C10orf67: variants seen among roughly 807,000 people sequenced by gnomAD.
C10orf67 encodes the protein uncharacterized protein C10orf67, mitochondrial.
In C10orf67, 60 loss-of-function variants were observed where a neutral mutation model predicts 35.6. The observed-to-expected ratio is 1.68, with a 90% confidence interval of 1.37 to 2.09. The LOEUF (loss-of-function observed/expected upper bound fraction) is 2.09, where lower values mean the gene tolerates loss of function less well. C10orf67 is among the 30% of genes most tolerant of loss of function. The probability of loss-of-function intolerance (pLI) is 0.00; values close to 1 mark genes in which losing one functional copy is unlikely to be tolerated. For synonymous variants in C10orf67, 167 were observed against 115.8 expected, an observed-to-expected ratio of 1.44 and a Z score of -2.84; for missense variants, 474 against 330.2, an observed-to-expected ratio of 1.44 and a Z score of -3.38.
intron 10 of C10orf67, among the ~76,000 whole-genome samples, chr10:23,264,035 G>A (rs942772432): frequency 2.0e-5 from 3 of 152,132 alleles, no homozygotes; most frequent in Non-Finnish European, 4.4e-5. Flanking sequence ...AATTAGATAC[G>A]TTAAATGACT....
intron 5 of C10orf67, among the ~76,000 whole-genome samples, chr10:23,294,446 C>T (rs1247670123): frequency 6.6e-6 from 1 of 152,092 alleles, no homozygotes; most frequent in Non-Finnish European, 1.5e-5. Context: ...GGCTAACCTC[C>T]TTTATAAATT....
intron 4 of C10orf67, among the ~76,000 whole-genome samples, chr10:23,307,617 T>C (rs1338491944): frequency 6.6e-6 from 1 of 150,996 alleles, no homozygotes; most frequent in African/African-American, 2.4e-5. Context: ...AGTTTTTTTT[T>C]TTTTTTTTTA....
At chr10:23,315,756 G>A (rs534248353) in intron 4 of C10orf67, among the ~76,000 whole-genome samples, 7 of 152,130 alleles carry the variant, frequency 4.6e-5, no homozygotes, top group Non-Finnish European at 8.8e-5. Context: ...TAAAAACCAC[G>A]AAATTCTGAC....
At chr10:23,284,418 C>T (rs1349452514) in intron 7 of C10orf67, among the ~76,000 whole-genome samples, 1 of 151,870 alleles carries the variant, frequency 6.6e-6, no homozygotes, top group African/African-American at 2.4e-5. Flanking sequence ...CACGGTGGCT[C>T]ACGCCTATGA....
chr10:23,205,442 T>A (rs1207396635), intron 15 of C10orf67, among the ~76,000 whole-genome samples: 2 of 152,230 alleles, frequency 1.3e-5, no homozygotes, highest in Admixed American at 6.5e-5. Flanking sequence ...TTTGCACATT[T>A]AATGAAAAGA....
At chr10:23,302,168 G>A (rs2132283778) in intron 5 of C10orf67, among the ~76,000 whole-genome samples, 1 of 151,922 alleles carries the variant, frequency 6.6e-6, no homozygotes, top group South Asian at 2.1e-4. Context: ...AGCCCTCTAT[G>A]TGTATTAATC....
intron 4 of C10orf67, among the ~76,000 whole-genome samples, chr10:23,308,767 T>C (rs1844383967): frequency 1.3e-5 from 2 of 152,152 alleles, no homozygotes; most frequent in African/African-American, 2.4e-5. Flanking sequence ...TTAATAATAA[T>C]ACCTGAATTG....
rs1841084348 is a variant in C10orf67 at position 23,203,910 on chromosome 10, T to C, written c.*263A>G. 6.5e-6 allele frequency: 2 copies of C among 309,176 alleles called. No homozygotes were observed. The highest frequency in any genetic ancestry group is 1.2e-5 in the Non-Finnish European group (2 of 170,728). The allele number at this position is 309,176 out of a possible 1,614,324, so 19.2% of individuals were successfully genotyped here. A position where few individuals can be genotyped will look rare whatever the true frequency, so the allele number is the denominator to read the frequency against. ...AGTCCCCGGAGCTCCTGAATGGATGTGGTTGCCCCGGAGGTTCAGTGCGCC... is the reference window on the plus strand; with the variant it reads ...AGTCCCCGGAGCTCCTGAATGGATGCGGTTGCCCCGGAGGTTCAGTGCGCC... On this transcript the variant is annotated 3_prime_UTR_variant, in exon 16 of 16. Transcript: ENST00000636213.
chr10:23,231,542 G>T (rs1165232341), intron 13 of C10orf67, among the ~76,000 whole-genome samples: 4 of 152,182 alleles, frequency 2.6e-5, no homozygotes, highest in African/African-American at 9.7e-5. Context: ...CATGAATGAA[G>T]CAGCCTTCCA....
chr10:23,309,725 C>G (rs1350126031), intron 4 of C10orf67, among the ~76,000 whole-genome samples: 3 of 152,342 alleles, frequency 2.0e-5, no homozygotes, highest in African/African-American at 7.2e-5. Flanking sequence ...CCAGGTACCA[C>G]ACTGAGAGGT....
chr10:23,320,910 T>C, intron 3 of C10orf67, 95 bp from the exon 4 acceptor site: 1 of 782,902 alleles, frequency 1.3e-6, no homozygotes, highest in Non-Finnish European at 2.1e-6. Flanking sequence ...AAACATCATC[T>C]GAATCATCAC....
intron 12 of C10orf67, among the ~76,000 whole-genome samples, chr10:23,241,484 G>A (rs1349025048): frequency 6.6e-6 from 1 of 152,126 alleles, no homozygotes; most frequent in African/African-American, 2.4e-5. Flanking sequence ...ATGATTATTT[G>A]GGGGCCAGAA....
At chr10:23,223,225 C>A (rs574981971) in intron 15 of C10orf67, among the ~76,000 whole-genome samples, 1 of 152,174 alleles carries the variant, frequency 6.6e-6, no homozygotes, top group South Asian at 2.1e-4. Flanking sequence ...AGGTTCATGC[C>A]ACCATGCCTG....
At chr10:23,290,883 A>G (rs1843698716) in intron 6 of C10orf67, among the ~76,000 whole-genome samples, 1 of 152,216 alleles carries the variant, frequency 6.6e-6, no homozygotes, top group Non-Finnish European at 1.5e-5. Flanking sequence ...AAATTTTTGC[A>G]AAGGCCAATG....
chr10:23,246,784 AAC>A (rs2132150776), intron 12 of C10orf67, among the ~76,000 whole-genome samples: 1 of 152,142 alleles, frequency 6.6e-6, no homozygotes, highest in African/African-American at 2.4e-5. Flanking sequence ...AAAAGAAAAA[AAC>A]ACAGACAAAA....
chr10:23,336,174 T>A (rs1845673753), intron 1 of C10orf67, among the ~76,000 whole-genome samples: 1 of 152,100 alleles, frequency 6.6e-6, no homozygotes, highest in African/African-American at 2.4e-5. Flanking sequence ...AGTAAGTAAA[T>A]GTTCTCAAAA....
intron 1 of C10orf67, 63 bp from the exon 2 acceptor site, chr10:23,333,245 A>G: frequency 7.0e-7 from 1 of 1,435,790 alleles, no homozygotes; most frequent in Non-Finnish European, 9.6e-7. Context: ...ATAGATGTTA[A>G]TGCGTCTTTT....
intron 1 of C10orf67, among the ~76,000 whole-genome samples, chr10:23,337,044 A>T (rs1845713670): frequency 6.6e-6 from 1 of 152,240 alleles, no homozygotes; most frequent in South Asian, 2.1e-4. Flanking sequence ...GCCATATATG[A>T]CAATTTAAGC....
rs576955799 is a variant in C10orf67 at position 23,271,268 on chromosome 10, A to G, written c.976-4014T>C. Reference sequence around the variant, plus strand: ...CCCAATACTGGAGCACCCAGATTCAAAAAGCATGCTCTTAGAGTCCTACAA... The same window carrying G: ...CCCAATACTGGAGCACCCAGATTCAGAAAGCATGCTCTTAGAGTCCTACAA... On this transcript the variant is annotated intron_variant, in intron 8 of 15. Transcript: ENST00000636213. Among the ~76,000 whole-genome samples, 3 of 152,342 alleles carry G rather than the reference A, an allele frequency of 2.0e-5. No individual in the cohort carries two copies. The East Asian group carries it at 5.8e-4, about 29-fold the overall frequency.
Sources: gnomAD v4.1 joint callset for allele counts (sites outside exome capture counted in the v4.1 genomes callset) on GRCh38, gnomAD v4.1.1 for gene constraint, MANE v1.5 for transcripts, NCBI Gene and HGNC (gene_info 2026-07-23, HGNC 2026-07-21) for gene names.